ZNF233: variants seen among roughly 807,000 people sequenced by gnomAD.
ZNF233 encodes the protein zinc finger protein 233.
A neutral mutation model predicts 11.6 loss-of-function variants in ZNF233; 7 were observed. That is an observed-to-expected ratio of 0.60 (90% CI 0.34 to 1.13). The LOEUF is 1.13. Ranked by LOEUF, ZNF233 falls within the 50% of genes most tolerant of loss-of-function variation. The pLI is 0.03. For missense variants in ZNF233, 711 were observed against 785.5 expected, an observed-to-expected ratio of 0.91 and a Z score of 1.13; for synonymous variants, 226 against 268.5, an observed-to-expected ratio of 0.84 and a Z score of 1.55.
intron 2 of ZNF233, 131 bp from the exon 3 acceptor site, chr19:44,266,067 T>C: frequency 1.0e-6 from 1 of 954,106 alleles, no homozygotes; most frequent in Non-Finnish European, 1.5e-6. Context: ...ACGAGGAAGC[T>C]ACTTAAAGTT....
intron 1 of ZNF233, among the ~76,000 whole-genome samples, chr19:44,263,567 C>A (rs966470851): frequency 6.6e-6 from 1 of 152,158 alleles, no homozygotes; most frequent in Non-Finnish European, 1.5e-5. Flanking sequence ...AAGGGAGATA[C>A]ACCATTGAGA....
chr19:44,272,497 G>A (rs1262287151), intron 4 of ZNF233, among the ~76,000 whole-genome samples: 6 of 152,062 alleles, frequency 3.9e-5, no homozygotes, highest in Admixed American at 1.3e-4. Flanking sequence ...CACTTTGGGA[G>A]GCCGAGGCGG....
chr19:44,267,221 T>TA (rs1325394506), intron 4 of ZNF233: 3 of 431,450 alleles, frequency 7.0e-6, no homozygotes, highest in African/African-American at 4.0e-5. Flanking sequence ...CCAAAATCTC[T>TA]ACGAGCCTTC....
At chr19:44,260,805 C>T (rs1429545618) in intron 1 of ZNF233, among the ~76,000 whole-genome samples, 2 of 152,182 alleles carry the variant, frequency 1.3e-5, no homozygotes, top group Non-Finnish European at 2.9e-5. Context: ...TTCCCACACT[C>T]ATTAGCAATA....
chr19:44,267,108 A>G (rs753661865), intron 4 of ZNF233, 147 bp downstream of exon 4: 13 of 548,428 alleles, frequency 2.4e-5, no homozygotes, highest in Non-Finnish European at 4.3e-5. Context: ...TCCTCCTTCT[A>G]CCTCCCTCCA....
In ZNF233 at chr19:44,274,737, A is replaced by C; in HGVS notation, c.*64A>C. On this transcript the variant is annotated 3_prime_UTR_variant, in exon 5 of 5. Coordinates refer to ENST00000683810, the MANE Select transcript of ZNF233 (RefSeq NM_001207005.2). The stretch of plus-strand genomic sequence containing the variant: ...GTGCTCTTCAAGACTTAGACTTCCC[A>C]TTTTCCTCAGAAAATCCACACAGCA... 1 of 1,292,946 alleles carries C rather than the reference A, an allele frequency of 7.7e-7. No individual in the cohort carries two copies. The highest frequency in any genetic ancestry group is 1.1e-6 in the Non-Finnish European group (1 of 947,456). The allele number at this position is 1,292,946 out of a possible 1,614,324, so 80.1% of individuals were successfully genotyped here.
In ZNF233 at chr19:44,266,030, A is replaced by C. The variant is rs527432038; in HGVS notation, c.16-168A>C. 213 of 547,422 alleles carry C rather than the reference A, an allele frequency of 3.9e-4. 1 individual carries two copies. Among genetic ancestry groups the C allele is most frequent in the Non-Finnish European group, 5.6e-4 (192 of 342,464 alleles). 33.9% of individuals were successfully genotyped at this position (547,422 alleles called of 1,614,324 possible). A position where few individuals can be genotyped will look rare whatever the true frequency, so the allele number is the denominator to read the frequency against. On this transcript the variant is annotated intron_variant, in intron 2 of 4. Coordinates refer to ENST00000683810, the MANE Select transcript of ZNF233 (RefSeq NM_001207005.2). ...TGATGTGACTGTGGAAAAGTAGTCT[A>C]TGAGATTGGCATGTGGGATGGAGAA...
At chr19:44,271,788 G>A (rs1164012623) in intron 4 of ZNF233, among the ~76,000 whole-genome samples, 1 of 152,032 alleles carries the variant, frequency 6.6e-6, no homozygotes, top group African/African-American at 2.4e-5. Context: ...AGGATTACAG[G>A]TGAGAGCCAC....
chr19:44,272,960 T>C lies in ZNF233; in HGVS notation c.300T>C (p.Tyr100=). 2 of 1,611,774 alleles carry C rather than the reference T, an allele frequency of 1.2e-6. No individual in the cohort carries two copies. Among genetic ancestry groups the C allele is most frequent in the Non-Finnish European group, 1.7e-6 (2 of 1,179,536 alleles). The stretch of plus-strand genomic sequence containing the variant: ...AAGTAAGATTAAGATTCCTTTCATA[T>C]GAAGACCTTATATGCTGGCAAATAT... ...LQEVRLRFLS[Y]EDLICWQIWE... The change falls in exon 5 of 5, where the codon TAT becomes TAC. Residue 100 remains tyrosine (Y), a synonymous_variant. Transcript: ENST00000683810.
rs764630046 is a variant in ZNF233 at position 44,273,777 on chromosome 19, G to A, written c.1117G>A (p.Gly373Ser). The A allele has an allele frequency of 1.2e-6, 2 of 1,614,064 alleles. No individual in the cohort carries two copies. The highest frequency in any genetic ancestry group is 1.1e-5 in the South Asian group (1 of 91,088). The change falls in exon 5 of 5, where the codon GGC becomes AGC. Residue 373 changes from glycine to serine, a missense_variant. By Grantham distance (56) the Gly-to-Ser change is moderately conservative. Transcript: ENST00000683810. ...CCCAGGAGAGAAGTTGTGTACATGT[G>A]GCAGGTGTGGGAAGGGCTTCCATCA... is the stretch of plus-strand genomic sequence containing the variant. ...THPGEKLCTC[G>S]RCGKGFHHSL...
chr19:44,271,485 T>C (rs1975233370), intron 4 of ZNF233, among the ~76,000 whole-genome samples: 1 of 152,012 alleles, frequency 6.6e-6, no homozygotes, highest in African/African-American at 2.4e-5. Flanking sequence ...GTAGATTTTA[T>C]ACATCTGCCA....
chr19:44,270,564 G>A (rs546304435), intron 4 of ZNF233, among the ~76,000 whole-genome samples: 1 of 151,994 alleles, frequency 6.6e-6, no homozygotes, highest in African/African-American at 2.4e-5. Context: ...AATGAACATT[G>A]GTTTATAGTT....
intron 4 of ZNF233, among the ~76,000 whole-genome samples, chr19:44,272,599 G>A (rs1975266080): frequency 6.6e-6 from 1 of 152,096 alleles, no homozygotes; most frequent in Non-Finnish European, 1.5e-5. Context: ...GCTGGGCATG[G>A]TGGCAGGCGC....
chr19:44,260,832 G>A (rs1317384959), intron 1 of ZNF233, among the ~76,000 whole-genome samples: 6 of 152,186 alleles, frequency 3.9e-5, no homozygotes, highest in African/African-American at 1.4e-4. Flanking sequence ...TTCCTGCTGG[G>A]CAAATGCTCA....
Position 44,274,732 on chromosome 19 carries a change from T to G in ZNF233, c.*59T>G. 5.3e-6 allele frequency: 7 copies of G among 1,314,214 alleles called. No homozygotes were observed. In the South Asian group the frequency reaches 9.5e-5, roughly 18 times the overall value. 81.4% of individuals were successfully genotyped at this position (1,314,214 alleles called of 1,614,324 possible). A position where few individuals can be genotyped will look rare whatever the true frequency, so the allele number is the denominator to read the frequency against. On this transcript the variant is annotated 3_prime_UTR_variant, in exon 5 of 5. Transcript: ENST00000683810. ...TAGGGGTGCTCTTCAAGACTTAGAC[T>G]TCCCATTTTCCTCAGAAAATCCACA...
chr19:44,266,422 C>T, intron 3 of ZNF233, 98 bp downstream of exon 3: 3 of 1,355,408 alleles, frequency 2.2e-6, no homozygotes, highest in East Asian at 2.7e-5. Context: ...CTTCCCTGAA[C>T]TTGGGGATGT....
At chr19:44,270,785 G>C (rs1261548678) in intron 4 of ZNF233, among the ~76,000 whole-genome samples, 2 of 152,194 alleles carry the variant, frequency 1.3e-5, no homozygotes, top group African/African-American at 4.8e-5. Context: ...TACGGCTGCT[G>C]AAGTGTCCTC....
chr19:44,271,555 G>A (rs1314394872), intron 4 of ZNF233, among the ~76,000 whole-genome samples: 1 of 151,866 alleles, frequency 6.6e-6, no homozygotes, highest in Non-Finnish European at 1.5e-5. Context: ...TGTAGCCCAG[G>A]CTTGAGTGCA....
intron 4 of ZNF233, chr19:44,267,684 C>T (rs1975129204): frequency 2.9e-6 from 1 of 342,740 alleles, no homozygotes; most frequent in Non-Finnish European, 5.2e-6. Flanking sequence ...GCCCGGCATA[C>T]ATGTATTTCT....
Sources: gnomAD v4.1 joint callset for allele counts (sites outside exome capture counted in the v4.1 genomes callset) on GRCh38, gnomAD v4.1.1 for gene constraint, MANE v1.5 for transcripts, NCBI Gene and HGNC (gene_info 2026-07-23, HGNC 2026-07-21) for gene names.